Variants in UGT1A9 observed in about 807,000 individuals in gnomAD.
The protein encoded by UGT1A9 is UDP glucuronosyltransferase family 1 member A9.
Under a neutral mutation model 45.0 loss-of-function variants are expected in UGT1A9, and 35 were observed. The ratio of observed to expected loss-of-function variants is 0.78; its 90% CI spans 0.59 to 1.03. UGT1A9 has a LOEUF of 1.03. Ranked by LOEUF, UGT1A9 falls within the 50% of genes least tolerant of loss-of-function variation. UGT1A9 has a pLI of 0.00. For missense variants in UGT1A9, 687 were observed against 666.6 expected, an observed-to-expected ratio of 1.03 and a Z score of -0.34; for synonymous variants, 278 against 250.6, an observed-to-expected ratio of 1.11 and a Z score of -1.03.
At chr2:233,770,514 C>G (rs191930447) in intron 4 of UGT1A9, 1 of 152,018 alleles carries the variant, frequency 6.6e-6, no homozygotes, top group Non-Finnish European at 1.5e-5. Flanking sequence ...AAAAATTACC[C>G]AGGCATGGTG....
At chr2:233,735,700 G>A (rs940691560) in intron 1 of UGT1A9, among the ~76,000 whole-genome samples, 1 of 151,948 alleles carries the variant, frequency 6.6e-6, no homozygotes, top group African/African-American at 2.4e-5. Context: ...TGTAAGGCAG[G>A]CCTGGTGGTG....
intron 1 of UGT1A9, among the ~76,000 whole-genome samples, chr2:233,759,538 A>G (rs1009544779): frequency 6.6e-6 from 1 of 152,036 alleles, no homozygotes; most frequent in Non-Finnish European, 1.5e-5. Context: ...TTCTGTTCAC[A>G]TGCGCTCCAG....
Position 233,718,831 on chromosome 2 carries a change from G to A in UGT1A9, c.855+46042G>A, listed in dbSNP as rs1317647482. ...GTGGCTTCTGCTGAGATGGCCAGAG[G>A]ACTCCAGGTTCCCCTGCCGCGGCTG... is the stretch of plus-strand genomic sequence containing the variant. On this transcript the variant is annotated intron_variant, in intron 1 of 4. Transcript: ENST00000354728. 1 of 1,613,578 alleles carries A rather than the reference G, an allele frequency of 6.2e-7. No homozygotes were observed. Among genetic ancestry groups the A allele is most frequent in the Non-Finnish European group, 8.5e-7 (1 of 1,179,966 alleles).
intron 2 of UGT1A9, among the ~76,000 whole-genome samples, chr2:233,767,541 T>C (rs1036019963): frequency 7.9e-4 from 120 of 152,396 alleles, no homozygotes; most frequent in African/African-American, 2.8e-3. Context: ...ATTTCTGCTC[T>C]TATAGTTCTG....
intron 1 of UGT1A9, chr2:233,690,434 GTC>G: frequency 2.4e-6 from 3 of 1,268,416 alleles, no homozygotes; most frequent in Non-Finnish European, 3.1e-6. Flanking sequence ...ACATCTTTGG[GTC>G]TCTCCTCTAT....
At chr2:233,747,425 A>T in intron 1 of UGT1A9, 8 of 1,445,640 alleles carry the variant, frequency 5.5e-6, no homozygotes, top group Non-Finnish European at 7.7e-6. Flanking sequence ...ACATCAAACA[A>T]GAGAAATTTT....
chr2:233,680,514 T>C (rs934802603), intron 1 of UGT1A9, among the ~76,000 whole-genome samples: 3 of 152,190 alleles, frequency 2.0e-5, no homozygotes, highest in Admixed American at 2.0e-4. Flanking sequence ...ACAAGAATTA[T>C]GCCCTGAGGT....
chr2:233,679,981 T>C (rs1446768495), intron 1 of UGT1A9, among the ~76,000 whole-genome samples: 1 of 152,200 alleles, frequency 6.6e-6, no homozygotes, highest in Non-Finnish European at 1.5e-5. Context: ...CAGCAATGTC[T>C]TCATGAATCT....
intron 1 of UGT1A9, chr2:233,693,074 G>C: frequency 6.2e-7 from 1 of 1,614,172 alleles, no homozygotes; most frequent in Non-Finnish European, 8.5e-7. Context: ...TTGGGGCATG[G>C]TTGTAGGTGA....
At chr2:233,719,425 C>G in intron 1 of UGT1A9, 1 of 1,613,998 alleles carries the variant, frequency 6.2e-7, no homozygotes, top group Non-Finnish European at 8.5e-7. Context: ...ACGACCAATT[C>G]AGACCACATG....
chr2:233,701,749 G>A (rs1406078090), intron 1 of UGT1A9, among the ~76,000 whole-genome samples: 1 of 152,128 alleles, frequency 6.6e-6, no homozygotes, highest in Admixed American at 6.5e-5. Flanking sequence ...TAACTACTGG[G>A]TACATAACGA....
Position 233,719,565 on chromosome 2 carries a change from G to C in UGT1A9, c.855+46776G>C, listed in dbSNP as rs1369586319. The C allele has an allele frequency of 1.5e-5, 24 of 1,613,790 alleles. No individual in the cohort carries two copies. The highest frequency in any genetic ancestry group is 1.9e-5 in the Non-Finnish European group (23 of 1,179,874). ...GAGAGAGGTGTCAGTGGTGGATCTT[G>C]TCAGCTATGCATCCGTGTGGCTGTT... On this transcript the variant is annotated intron_variant, in intron 1 of 4. Coordinates refer to ENST00000354728, the MANE Select transcript of UGT1A9 (RefSeq NM_021027.3).
intron 1 of UGT1A9, among the ~76,000 whole-genome samples, chr2:233,730,198 G>A (rs544900257): frequency 2.0e-5 from 3 of 152,306 alleles, no homozygotes; most frequent in South Asian, 4.2e-4. Context: ...CTGAGAGGAA[G>A]AGGAAGTAGA....
rs201968211 is a variant in UGT1A9 at position 233,718,966 on chromosome 2, G to A, written c.855+46177G>A. 301 of 1,614,070 alleles carry A rather than the reference G, an allele frequency of 1.9e-4. 1 individual carries two copies. The highest frequency in any genetic ancestry group is 1.6e-4 in the Middle Eastern group (1 of 6,072). On this transcript the variant is annotated intron_variant, in intron 1 of 4. Transcript: ENST00000354728. ...TGGCTCAGCATGCGGGAGGCCTTGC[G>A]GGAGCTCCATGCCAGAGGCCACCAG...
intron 1 of UGT1A9, among the ~76,000 whole-genome samples, chr2:233,709,615 G>T (rs2076084906): frequency 6.6e-6 from 1 of 152,104 alleles, no homozygotes; most frequent in Admixed American, 6.5e-5. Context: ...ATTAAATATA[G>T]GTGTTTTGCT....
intron 1 of UGT1A9, chr2:233,682,745 A>T (rs1325702039): frequency 6.2e-7 from 1 of 1,613,790 alleles, no homozygotes; most frequent in African/African-American, 1.3e-5. Context: ...GCCCAATATG[A>T]TCTTCATTGG....
At chr2:233,712,976 G>C (rs750445799) in intron 1 of UGT1A9, 1 of 1,613,080 alleles carries the variant, frequency 6.2e-7, no homozygotes, top group Non-Finnish European at 8.5e-7. Context: ...GTCAGCTGTC[G>C]GTGGCTTCTG....
At chr2:233,719,670 G>A (rs758623915) in intron 1 of UGT1A9, 19 of 1,613,900 alleles carry the variant, frequency 1.2e-5, no homozygotes, top group East Asian at 6.7e-5. Flanking sequence ...CTGTGCCAAC[G>A]GGAAGCCACT....
intron 1 of UGT1A9, chr2:233,719,088 G>A (rs2076724106): frequency 6.2e-7 from 1 of 1,614,250 alleles, no homozygotes; most frequent in South Asian, 1.1e-5. Flanking sequence ...GAAGGAATTT[G>A]ATCGCGTTAC....
Sources: allele counts gnomAD v4.1 joint callset (sites outside exome capture counted in the v4.1 genomes callset), GRCh38; gene constraint gnomAD v4.1.1; transcripts MANE v1.5; gene names NCBI Gene and HGNC (gene_info 2026-07-23, HGNC 2026-07-21).